Variants in CDON observed in about 807,000 individuals in gnomAD.
CDON encodes cell adhesion associated, oncogene regulated.
A neutral mutation model predicts 120.9 loss-of-function variants in CDON; 73 were observed. That is an observed-to-expected ratio of 0.60 (90% CI 0.50 to 0.73). The LOEUF (loss-of-function observed/expected upper bound fraction) is 0.73. Among genes scored for constraint, CDON ranks in the 30% least tolerant of loss-of-function variants. CDON has a pLI of 0.00. For synonymous variants in CDON, 566 were observed against 573.5 expected (o/e 0.99, Z 0.19); for missense variants, 1,470 against 1,587.3 (o/e 0.93, Z 1.26).
chr11:125,997,419 G>T lies in CDON; in HGVS notation c.2159-9C>A. ...ATCTGGTGCCTCTGGAACTAAACAC[G>T]GAAACGTTCATTTCAATAACCCACC... On this transcript the variant is annotated splice_polypyrimidine_tract_variant and intron_variant, in intron 11 of 19. Coordinates refer to ENST00000531738, the MANE Select transcript of CDON (RefSeq NM_001378964.1). The T allele has an allele frequency of 6.3e-7, 1 of 1,594,424 alleles. No individual in the cohort carries two copies.
At position 126,006,127 on chromosome 11, in the gene CDON, C is replaced by T. The variant is rs191199537; in HGVS notation, c.1553-70G>A. 2.9e-3 allele frequency: 4,019 copies of T among 1,394,156 alleles called. 8 individuals are homozygous for T. Among genetic ancestry groups the T allele is most frequent in the Non-Finnish European group, 3.2e-3 (3,160 of 988,738 alleles). The allele number at this position is 1,394,156 out of a possible 1,614,324, so 86.4% of individuals were successfully genotyped here. ...TCATTGTCTTCTACCCAGTTTGTGA[C>T]GTGACTGCCCTCACTTGTATTGTTA... is the stretch of plus-strand genomic sequence containing the variant. On this transcript the variant is annotated intron_variant, in intron 8 of 19. Transcript: ENST00000531738.
At chr11:126,038,193 G>C (rs1948153262) in intron 1 of CDON, among the ~76,000 whole-genome samples, 1 of 152,102 alleles carries the variant, frequency 6.6e-6, no homozygotes, top group Non-Finnish European at 1.5e-5. Flanking sequence ...TTTACATTCA[G>C]GTAAAGAATT....
At chr11:126,038,289 A>G (rs1478689008) in intron 1 of CDON, among the ~76,000 whole-genome samples, 4 of 152,158 alleles carry the variant, frequency 2.6e-5, no homozygotes, top group Non-Finnish European at 4.4e-5. Context: ...AATTCTGGAA[A>G]GACTGTCAGA....
At chr11:126,003,027 G>T (rs7104467) in intron 10 of CDON, among the ~76,000 whole-genome samples, 1 of 151,776 alleles carries the variant, frequency 6.6e-6, no homozygotes, top group Non-Finnish European at 1.5e-5. Flanking sequence ...CTCCGATGTC[G>T]ACCGCTCATT....
intron 1 of CDON, among the ~76,000 whole-genome samples, chr11:126,058,093 T>A (rs1478567936): frequency 6.6e-6 from 1 of 152,162 alleles, no homozygotes; most frequent in East Asian, 1.9e-4. Flanking sequence ...GCGTCCAAAT[T>A]CTCTGTTTGT....
chr11:125,989,614 G>A (rs768413770), intron 15 of CDON, 23 bp downstream of exon 15: 1 of 1,609,210 alleles, frequency 6.2e-7, no homozygotes, highest in East Asian at 2.2e-5. Flanking sequence ...TCACTGTCCA[G>A]GGAAAAGCAA....
In CDON at chr11:125,960,905, G is replaced by T. The variant is rs768279441; in HGVS notation, c.*37C>A. 5.0e-6 allele frequency: 8 copies of T among 1,606,666 alleles called. No homozygotes were observed. The highest frequency in any genetic ancestry group is 3.3e-5 in the South Asian group (3 of 90,916). ...CCAGGCCTGTTGTGTGCAGTTACCG[G>T]CTTGAAGTTGGAACATGACTGGTTG... On this transcript the variant is annotated 3_prime_UTR_variant, in exon 20 of 20. Transcript: ENST00000531738.
At chr11:126,015,734 T>A (rs779206082) in intron 6 of CDON, among the ~76,000 whole-genome samples, 1 of 152,136 alleles carries the variant, frequency 6.6e-6, no homozygotes, top group Non-Finnish European at 1.5e-5. Flanking sequence ...CTTTCATAGA[T>A]TACACCACCC....
chr11:126,021,533 A>G lies in CDON; in HGVS notation c.77-13T>C. Reference sequence around the variant, plus strand: ...TAAGGTGCCAAGTCTACAAGGGAATATTCCCCATATGCAAAGAAAGCAGGG... The same window carrying G: ...TAAGGTGCCAAGTCTACAAGGGAATGTTCCCCATATGCAAAGAAAGCAGGG... On this transcript the variant is annotated splice_polypyrimidine_tract_variant and intron_variant, in intron 2 of 19. Transcript: ENST00000531738. 1 of 1,612,790 alleles carries G rather than the reference A, an allele frequency of 6.2e-7. No homozygotes were observed. Among genetic ancestry groups the G allele is most frequent in the South Asian group, 1.1e-5 (1 of 90,886 alleles).
At chr11:126,009,816 A>G (rs1428146900) in intron 8 of CDON, among the ~76,000 whole-genome samples, 1 of 152,244 alleles carries the variant, frequency 6.6e-6, no homozygotes, top group East Asian at 1.9e-4. Context: ...CCAGTACATC[A>G]AAAATCATAT....
chr11:126,015,670 T>C (rs1038691302), intron 6 of CDON, among the ~76,000 whole-genome samples, 160 bp from the exon 7 acceptor site: 15 of 152,182 alleles, frequency 9.9e-5, no homozygotes, highest in Admixed American at 6.5e-4. Context: ...AGAAAAAAAT[T>C]AGAAATGTTC....
intron 7 of CDON, among the ~76,000 whole-genome samples, chr11:126,012,271 C>T (rs1947324676): frequency 6.6e-6 from 1 of 152,134 alleles, no homozygotes; most frequent in Admixed American, 6.5e-5. Context: ...CTATATAATA[C>T]TGAATACAAT....
At chr11:126,043,082 C>T (rs996203108) in intron 1 of CDON, among the ~76,000 whole-genome samples, 16 of 152,218 alleles carry the variant, frequency 1.1e-4, no homozygotes, top group African/African-American at 3.6e-4. Flanking sequence ...ACCTTTTCTG[C>T]ATGGCAGGTG....
chr11:126,045,830 C>T (rs981786962), intron 1 of CDON, among the ~76,000 whole-genome samples: 3 of 151,982 alleles, frequency 2.0e-5, no homozygotes, highest in Non-Finnish European at 4.4e-5. Context: ...ATTAGCCGGG[C>T]GTGGTGGCAC....
At chr11:125,986,428 TA>T (rs1946461016) in intron 15 of CDON, among the ~76,000 whole-genome samples, 3 of 151,876 alleles carry the variant, frequency 2.0e-5, no homozygotes, top group African/African-American at 7.3e-5. Flanking sequence ...CTTAAAAGTA[TA>T]ATTTAAAAAA....
intron 1 of CDON, among the ~76,000 whole-genome samples, chr11:126,046,174 T>C (rs1290188822): frequency 6.6e-6 from 1 of 152,190 alleles, no homozygotes; most frequent in Non-Finnish European, 1.5e-5. Context: ...ATAAGAATTG[T>C]AGTTTCAAAT....
chr11:126,022,305 A>G (rs1591396901), intron 2 of CDON, among the ~76,000 whole-genome samples: 1 of 152,168 alleles, frequency 6.6e-6, no homozygotes, highest in East Asian at 1.9e-4. Context: ...CTTCCTTACT[A>G]CTTCCCTTCA....
chr11:126,047,191 C>T (rs550105697), intron 1 of CDON, among the ~76,000 whole-genome samples: 1 of 152,098 alleles, frequency 6.6e-6, no homozygotes, highest in African/African-American at 2.4e-5. Context: ...GTGTTATTTA[C>T]CTGGTATTAA....
chr11:126,035,966 C>T (rs898748938), intron 1 of CDON, among the ~76,000 whole-genome samples: 42 of 152,060 alleles, frequency 2.8e-4, no homozygotes, highest in African/African-American at 4.3e-4. Flanking sequence ...ATGCACGAAG[C>T]GGCAGTGGCC....
Sources: gnomAD v4.1 joint callset for allele counts (sites outside exome capture counted in the v4.1 genomes callset) on GRCh38, gnomAD v4.1.1 for gene constraint, MANE v1.5 for transcripts, NCBI Gene and HGNC (gene_info 2026-07-23, HGNC 2026-07-21) for gene names.